The following ADAMTS9 variants were observed in gnomAD, a reference collection of about 807,000 sequenced individuals.
ADAMTS9 encodes A disintegrin and metalloproteinase with thrombospondin motifs 9.
ADAMTS9 carries 107 observed loss-of-function variants against 257.1 expected under a neutral mutation model. The ratio of observed to expected loss-of-function variants is 0.42; its 90% CI spans 0.36 to 0.49. The LOEUF is 0.49. Among genes scored for constraint, ADAMTS9 ranks in the 20% least tolerant of loss-of-function variants. The pLI is 0.03. For missense variants in ADAMTS9, 2,353 were observed against 2,469.1 expected, an observed-to-expected ratio of 0.95 and a Z score of 1.00; for synonymous variants, 982 against 880.9, an observed-to-expected ratio of 1.11 and a Z score of -2.03.
chr3:64,606,864 T>G, intron 23 of ADAMTS9, 96 bp downstream of exon 23: 1 of 1,505,014 alleles, frequency 6.6e-7, no homozygotes, highest in South Asian at 1.3e-5. Context: ...ACTGACATAC[T>G]TATCTATGAA....
intron 37 of ADAMTS9, among the ~76,000 whole-genome samples, chr3:64,535,206 C>T (rs1007690508): frequency 6.6e-6 from 1 of 151,980 alleles, no homozygotes; most frequent in Non-Finnish European, 1.5e-5. Context: ...TGGTGAAACC[C>T]CATCTCTTCT....
chr3:64,606,054 G>A (rs1052766052), intron 23 of ADAMTS9, among the ~76,000 whole-genome samples: 4 of 152,144 alleles, frequency 2.6e-5, no homozygotes, highest in African/African-American at 9.7e-5. Context: ...ATGTTTAAGG[G>A]TAGGATGAAA....
intron 3 of ADAMTS9, among the ~76,000 whole-genome samples, chr3:64,670,188 T>C (rs1701452366): frequency 6.6e-6 from 1 of 152,168 alleles, no homozygotes. Context: ...TGCATGCACA[T>C]ACACACATGC....
At chr3:64,532,158 A>G (rs1420271453) in intron 38 of ADAMTS9, among the ~76,000 whole-genome samples, 2 of 152,208 alleles carry the variant, frequency 1.3e-5, no homozygotes, top group African/African-American at 4.8e-5. Context: ...CACGCTCCTC[A>G]GTTTACAATG....
chr3:64,557,067 A>G (rs1232069961), intron 30 of ADAMTS9, among the ~76,000 whole-genome samples: 1 of 152,146 alleles, frequency 6.6e-6, no homozygotes, highest in Non-Finnish European at 1.5e-5. Flanking sequence ...AGCTGAGTGG[A>G]GGAGCATCTG....
At chr3:64,654,225 C>T (rs555636477) in intron 8 of ADAMTS9, 128 bp downstream of exon 8, 3 of 948,508 alleles carry the variant, frequency 3.2e-6, no homozygotes, top group Admixed American at 2.3e-5. Flanking sequence ...AGCTCTTCAA[C>T]CCTGCAACTC....
intron 8 of ADAMTS9, among the ~76,000 whole-genome samples, chr3:64,652,511 T>C (rs1451207084): frequency 6.6e-6 from 1 of 152,204 alleles, no homozygotes; most frequent in Non-Finnish European, 1.5e-5. Context: ...GTGGTTTCTT[T>C]ATAGTGGTGT....
intron 38 of ADAMTS9, among the ~76,000 whole-genome samples, chr3:64,529,176 G>A (rs1387625448): frequency 6.6e-6 from 1 of 152,216 alleles, no homozygotes; most frequent in Non-Finnish European, 1.5e-5. Flanking sequence ...ATAAATAGTA[G>A]CTATTTTAAC....
intron 26 of ADAMTS9, 72 bp downstream of exon 26, chr3:64,601,872 G>T: frequency 1.3e-6 from 2 of 1,500,972 alleles, no homozygotes; most frequent in Non-Finnish European, 8.9e-7. Context: ...CTCTAAAGGT[G>T]TTTCTAGTCT....
intron 28 of ADAMTS9, among the ~76,000 whole-genome samples, chr3:64,580,385 A>G (rs7649084): frequency 0.28 from 42,691 of 151,766 alleles, 6,626 homozygotes; most frequent in East Asian, 0.53. Context: ...TGTAAAGTGA[A>G]TTTGATAGAA....
At chr3:64,583,687 C>T (rs1428254573) in intron 28 of ADAMTS9, 2 of 152,146 alleles carry the variant, frequency 1.3e-5, no homozygotes, top group Non-Finnish European at 2.9e-5. Context: ...CAATTGAGAA[C>T]TATTGAATTA....
chr3:64,577,424 C>T (rs1351629383), intron 28 of ADAMTS9, among the ~76,000 whole-genome samples: 3 of 152,044 alleles, frequency 2.0e-5, no homozygotes, highest in Non-Finnish European at 2.9e-5. Context: ...AAGAAAGAGG[C>T]GAAGATAATA....
At chr3:64,517,811 G>A (rs112101636) in intron 39 of ADAMTS9, among the ~76,000 whole-genome samples, 2,254 of 152,040 alleles carry the variant, frequency 0.015, 45 homozygotes, top group African/African-American at 0.052. Flanking sequence ...CGTATATAAT[G>A]GTGATCTCTA....
At chr3:64,617,167 C>T (rs1699973157) in intron 19 of ADAMTS9, among the ~76,000 whole-genome samples, 1 of 152,188 alleles carries the variant, frequency 6.6e-6, no homozygotes, top group Non-Finnish European at 1.5e-5. Context: ...GTGGGGCAAA[C>T]TCTCACTTCC....
chr3:64,531,420 C>T (rs1315113783), intron 38 of ADAMTS9, among the ~76,000 whole-genome samples: 1 of 151,706 alleles, frequency 6.6e-6, no homozygotes, highest in Non-Finnish European at 1.5e-5. Flanking sequence ...TAACTATGTC[C>T]CATGTAGTGA....
chr3:64,621,655 G>T (rs368555700), intron 18 of ADAMTS9, among the ~76,000 whole-genome samples: 1 of 151,876 alleles, frequency 6.6e-6, no homozygotes, highest in African/African-American at 2.4e-5. Flanking sequence ...CCAGCTACTC[G>T]GGAGACTGAG....
intron 38 of ADAMTS9, among the ~76,000 whole-genome samples, chr3:64,527,207 C>T (rs1451702460): frequency 6.6e-6 from 1 of 152,182 alleles, no homozygotes; most frequent in Non-Finnish European, 1.5e-5. Context: ...TTCATTAAAG[C>T]AGGCCTTCTA....
chr3:64,643,733 G>A (rs1700717947), intron 11 of ADAMTS9, among the ~76,000 whole-genome samples: 1 of 151,660 alleles, frequency 6.6e-6, no homozygotes, highest in Non-Finnish European at 1.5e-5. Context: ...CCAAACTGCT[G>A]GGATTACAGG....
chr3:64,608,677 C>T (rs2084609714), intron 22 of ADAMTS9, among the ~76,000 whole-genome samples: 1 of 151,884 alleles, frequency 6.6e-6, no homozygotes, highest in Non-Finnish European at 1.5e-5. Flanking sequence ...TGTACCAGTT[C>T]ACTCATGAAT....
Sources: allele counts gnomAD v4.1 joint callset (sites outside exome capture counted in the v4.1 genomes callset), GRCh38; gene constraint gnomAD v4.1.1; transcripts MANE v1.5; gene names NCBI Gene and HGNC (gene_info 2026-07-23, HGNC 2026-07-21).